Variants in LRRC74A observed in about 807,000 individuals in gnomAD.
LRRC74A encodes leucine rich repeat containing 74A.
In LRRC74A, 44 loss-of-function variants were observed where a neutral mutation model predicts 57.9. The observed-to-expected ratio is 0.76, with a 90% CI of 0.60 to 0.98. The LOEUF is 0.98. Ranked by LOEUF, LRRC74A falls within the 50% of genes least tolerant of loss-of-function variation. The pLI is 0.00. For missense variants in LRRC74A, 572 were observed against 574.0 expected (o/e 1.00, Z 0.04); for synonymous variants, 211 against 219.4 (o/e 0.96, Z 0.34).
In LRRC74A at chr14:76,828,832, G is replaced by A. The variant is rs1218354027; in HGVS notation, c.166+413G>A. ...ATTATAGGCATTGCCCAGGGACAGC[G>A]GGAGTTTGCCCAGCACGTTGGCTGA... On this transcript the variant is annotated intron_variant, in intron 2 of 13. Transcript: ENST00000689127. The A allele has an allele frequency of 2.4e-5, 10 of 414,352 alleles. No individual in the cohort carries two copies. In the East Asian group the frequency reaches 5.0e-4, roughly 21 times the overall value. The allele number at this position is 414,352 out of a possible 1,614,324, so 25.7% of individuals were successfully genotyped here.
intron 10 of LRRC74A, among the ~76,000 whole-genome samples, chr14:76,859,560 A>G (rs1341935469): frequency 2.0e-5 from 3 of 151,188 alleles, no homozygotes; most frequent in Non-Finnish European, 4.4e-5. Flanking sequence ...AAGAAACATA[A>G]AAGAAATGGT....
chr14:76,831,252 C>T lies in LRRC74A; in HGVS notation c.216C>T (p.Ala72=), dbSNP rs889667044. Residue 72 remains alanine (A), a synonymous_variant, in exon 3 of 14, where the codon GCC becomes GCT. Transcript: ENST00000689127. ...GACAAAAGGAGCTGTACCTGGAGGC[C>T]TGCAAGCTGATGGGTGTAGTGCCTG... ...TTGQKELYLE[A]CKLMGVVPVS... is the part of the protein sequence containing the mutation. The T allele has an allele frequency of 2.5e-6, 4 of 1,614,074 alleles. No homozygotes were observed. The highest frequency in any genetic ancestry group is 2.5e-6 in the Non-Finnish European group (3 of 1,179,902).
intron 9 of LRRC74A, among the ~76,000 whole-genome samples, chr14:76,856,488 C>G (rs886683087): frequency 2.4e-4 from 37 of 151,526 alleles, no homozygotes; most frequent in Non-Finnish European, 4.6e-4. Flanking sequence ...TATGGCAAGC[C>G]TCTAATTAAT....
At chr14:76,867,511 CT>C in intron 13 of LRRC74A, 73 bp downstream of exon 13, 1 of 769,652 alleles carries the variant, frequency 1.3e-6, no homozygotes, top group Non-Finnish European at 2.3e-6. Context: ...GCTCCTCCAG[CT>C]TTCCTGTCTA....
chr14:76,849,815 A>AC (rs60037417), intron 7 of LRRC74A, among the ~76,000 whole-genome samples: 8 of 144,034 alleles, frequency 5.6e-5, no homozygotes, highest in Admixed American at 2.1e-4. Flanking sequence ...AAAAAAAAAA[A>AC]CCCAAAAAAC....
chr14:76,857,647 T>C (rs958776499), intron 10 of LRRC74A, among the ~76,000 whole-genome samples, 172 bp downstream of exon 10: 1 of 152,142 alleles, frequency 6.6e-6, no homozygotes, highest in Non-Finnish European at 1.5e-5. Context: ...AGGGATCCTT[T>C]TAGGAAGAGT....
chr14:76,866,663 A>G (rs965628623), intron 12 of LRRC74A, among the ~76,000 whole-genome samples: 13 of 151,980 alleles, frequency 8.6e-5, no homozygotes, highest in Non-Finnish European at 1.5e-4. Flanking sequence ...GCTGGCCAGG[A>G]CTCAGCAGCA....
At chr14:76,844,778 G>A (rs1029633948) in intron 6 of LRRC74A, 42 bp from the exon 7 acceptor site, 3 of 1,106,198 alleles carry the variant, frequency 2.7e-6, no homozygotes, top group Non-Finnish European at 4.1e-6. Context: ...TTTGCAATCA[G>A]AAGACAAAAA....
chr14:76,860,757 T>C lies in LRRC74A; in HGVS notation c.1118T>C (p.Leu373Pro). 6.2e-7 allele frequency: 1 copy of C among 1,611,944 alleles called. No individual in the cohort carries two copies. The highest frequency in any genetic ancestry group is 8.5e-7 in the Non-Finnish European group (1 of 1,178,270). ...LDGVYAVHPQLDVVFKAVQGL... is the reference protein window; with the variant it reads ...LDGVYAVHPQPDVVFKAVQGL... ...GGAGTGTATGCCGTTCACCCGCAGC[T>C]GGACGTGGTATTCAAGGCAGTACAA... The change falls in exon 11 of 14, where the codon CTG becomes CCG. Residue 373 changes from leucine to proline, a missense_variant. Leu to Pro is a moderately conservative substitution (Grantham distance 98, BLOSUM62 -3). Transcript: ENST00000689127.
Position 76,853,184 on chromosome 14 carries a change from G to T in LRRC74A, c.763-32G>T, listed in dbSNP as rs1197518153. ...GGTTGGATGAGTCACGCGTAACCTT[G>T]ATGCTGGTGCTGTTCTCCCCTCTTC... On this transcript the variant is annotated intron_variant, in intron 8 of 13. Transcript: ENST00000689127. The T allele has an allele frequency of 3.8e-6, 6 of 1,564,832 alleles. No homozygotes were observed. In the Admixed American group the frequency reaches 1.0e-4, roughly 27 times the overall value.
chr14:76,858,795 C>G, intron 10 of LRRC74A, among the ~76,000 whole-genome samples: 1 of 151,998 alleles, frequency 6.6e-6, no homozygotes, highest in East Asian at 1.9e-4. Context: ...CACCATTTTG[C>G]CCAGGCTGGT....
At chr14:76,853,592 TA>T (rs1897676633) in intron 9 of LRRC74A, among the ~76,000 whole-genome samples, 182 bp downstream of exon 9, 1 of 152,142 alleles carries the variant, frequency 6.6e-6, no homozygotes, top group African/African-American at 2.4e-5. Context: ...TTCTCTACTA[TA>T]AAGCCAGTGT....
In LRRC74A at chr14:76,836,326, C is replaced by A; in HGVS notation, c.447+12C>A. On this transcript the variant is annotated intron_variant, in intron 4 of 13. Transcript: ENST00000689127. ...ACCTCCAGGAGATGGTACTGTGCCCCCCTGTGCTGGCTCTTACCATCATCC... is the reference window on the plus strand; with the variant it reads ...ACCTCCAGGAGATGGTACTGTGCCCACCTGTGCTGGCTCTTACCATCATCC... 6.3e-7 allele frequency: 1 copy of A among 1,574,818 alleles called. No homozygotes were observed. Among genetic ancestry groups the A allele is most frequent in the African/African-American group, 1.3e-5 (1 of 74,258 alleles).
Position 76,837,887 on chromosome 14 carries a change from A to C in LRRC74A, c.460A>C (p.Asn154His), listed in dbSNP as rs777978623. 64 of 1,587,460 alleles carry C rather than the reference A, an allele frequency of 4.0e-5. No individual in the cohort carries two copies. Among genetic ancestry groups the C allele is most frequent in the Non-Finnish European group, 5.3e-5 (62 of 1,164,832 alleles). ...TCTTGCCTTTTAGAATATTTCCAAC[A>C]ATCACCTTGGTTTGGAGGGGGCCAG... ...YYLQEMNISN[N>H]HLGLEGARII... The change falls in exon 5 of 14, where the codon AAT becomes CAT. Residue 154 changes from asparagine (N) to histidine (H), a missense_variant. Asn to His is a moderately conservative substitution (Grantham distance 68). Coordinates refer to ENST00000689127, the MANE Select transcript of LRRC74A (RefSeq NM_001385106.1).
intron 11 of LRRC74A, among the ~76,000 whole-genome samples, chr14:76,861,385 T>C (rs12434648): frequency 0.061 from 9,321 of 152,306 alleles, 436 homozygotes; most frequent in Middle Eastern, 0.16. Context: ...AGAGAGACAC[T>C]TCAGTCCTTT....
Position 76,837,910 on chromosome 14 carries a change from C to T in LRRC74A, c.483C>T (p.Ala161=). The T allele has an allele frequency of 6.3e-7, 1 of 1,593,114 alleles. No individual in the cohort carries two copies. The highest frequency in any genetic ancestry group is 8.6e-7 in the Non-Finnish European group (1 of 1,168,454). The change falls in exon 5 of 14, where the codon GCC becomes GCT. Residue 161 remains alanine (A), a synonymous_variant. Coordinates refer to ENST00000689127, the MANE Select transcript of LRRC74A (RefSeq NM_001385106.1). Reference sequence around the variant, plus strand: ...ACAATCACCTTGGTTTGGAGGGGGCCAGAATCATCTCAGATTTCTTTGAGA... The same window carrying T: ...ACAATCACCTTGGTTTGGAGGGGGCTAGAATCATCTCAGATTTCTTTGAGA... The part of the protein sequence containing the change: ...ISNNHLGLEG[A]RIISDFFERN...
At chr14:76,852,313 AT>A (rs1476342374) in intron 7 of LRRC74A, 51 bp from the exon 8 acceptor site, 12 of 1,421,324 alleles carry the variant, frequency 8.4e-6, no homozygotes, top group Non-Finnish European at 1.2e-5. Flanking sequence ...AACTCTGAGA[AT>A]GGGTTTTCTG....
intron 13 of LRRC74A, among the ~76,000 whole-genome samples, chr14:76,869,378 T>C (rs1899241042): frequency 6.6e-6 from 1 of 152,218 alleles, no homozygotes; most frequent in Non-Finnish European, 1.5e-5. Flanking sequence ...TCAGCTGTGA[T>C]TGAAGAGCAG....
In LRRC74A at chr14:76,855,916, T is replaced by C. The variant is rs946593721; in HGVS notation, c.958-1464T>C. Among the ~76,000 whole-genome samples the C allele has an allele frequency of 5.2e-4, 79 of 152,222 alleles. 4 individuals are homozygous for C. On this transcript the variant is annotated intron_variant, in intron 9 of 13. Transcript: ENST00000689127. The stretch of plus-strand genomic sequence containing the variant: ...ATATGGTAAGTCCTCAGAGCAGCCA[T>C]AGGTGATAAGTACAAAGTGATCAGG...
Sources: gnomAD v4.1 joint callset for allele counts (sites outside exome capture counted in the v4.1 genomes callset) on GRCh38, gnomAD v4.1.1 for gene constraint, MANE v1.5 for transcripts, NCBI Gene and HGNC (gene_info 2026-07-23, HGNC 2026-07-21) for gene names.